The following ABCA9 variants were observed in gnomAD, a reference collection of about 807,000 sequenced individuals.
ABCA9 encodes ATP-binding cassette sub-family A member 9.
ABCA9 carries 183 observed loss-of-function variants against 205.3 expected under a neutral mutation model. That is an observed-to-expected ratio of 0.89 (90% confidence interval 0.79 to 1.01). The LOEUF (loss-of-function observed/expected upper bound fraction) is 1.01. Ranked by LOEUF, ABCA9 falls within the 50% of genes least tolerant of loss-of-function variation. The pLI is 0.00. For synonymous variants in ABCA9, 651 were observed against 683.3 expected (o/e 0.95, Z 0.74); for missense variants, 1,805 against 1,912.4 (o/e 0.94, Z 1.05).
intron 1 of ABCA9, among the ~76,000 whole-genome samples, chr17:69,053,041 G>A (rs1037839400): frequency 1.3e-5 from 2 of 152,164 alleles, no homozygotes; most frequent in Admixed American, 6.6e-5. Context: ...ACCTTGAGAT[G>A]TTCACCAAAC....
chr17:69,045,127 A>G (rs1294135064), intron 4 of ABCA9, 45 bp downstream of exon 4: 2 of 1,554,644 alleles, frequency 1.3e-6, no homozygotes, highest in African/African-American at 2.7e-5. Flanking sequence ...CTTTGTGGCT[A>G]CTGATACAAT....
At chr17:69,065,165 T>A (rs918794481), upstream of ABCA9, among the ~76,000 whole-genome samples, 1 of 152,188 alleles carries the variant, frequency 6.6e-6, no homozygotes, top group Non-Finnish European at 1.5e-5. Flanking sequence ...TTGTCCTACA[T>A]GGCACTTTGT....
In ABCA9 at chr17:69,044,287, C is replaced by A. The variant is rs546934571; in HGVS notation, c.573+210G>T. On this transcript the variant is annotated intron_variant, in intron 5 of 38. Transcript: ENST00000340001. ...ACTATATATCCATGTTTCTATCTCC[C>A]CCTATACCAGTATCCCTGGAGAAAA... 6.6e-5 allele frequency among the ~76,000 whole-genome samples: 10 copies of A among 152,270 alleles called. No individual in the cohort carries two copies. The South Asian group carries it at 2.1e-3, about 32-fold the overall frequency.
At chr17:68,991,264 A>G (rs1309352248) in intron 28 of ABCA9, among the ~76,000 whole-genome samples, 2 of 152,186 alleles carry the variant, frequency 1.3e-5, no homozygotes, top group East Asian at 3.9e-4. Context: ...GCAGAGTTGC[A>G]TGAGGAAAGG....
chr17:68,996,664 A>T lies in ABCA9; in HGVS notation c.3436-650T>A, dbSNP rs116364084. Reference sequence around the variant, plus strand: ...ACACGTCACACCACACATCATTGACACAGGAGGTCATATTATTTATTGTAG... The same window carrying T: ...ACACGTCACACCACACATCATTGACTCAGGAGGTCATATTATTTATTGTAG... On this transcript the variant is annotated intron_variant, in intron 25 of 38. Coordinates refer to ENST00000340001, the MANE Select transcript of ABCA9 (RefSeq NM_080283.4). Among the ~76,000 whole-genome samples, 985 of 152,330 alleles carry T rather than the reference A, an allele frequency of 6.5e-3. 18 individuals carry two copies. Among genetic ancestry groups the T allele is most frequent in the African/African-American group, 0.023 (951 of 41,578 alleles).
chr17:69,050,407 G>C (rs1476570895), intron 2 of ABCA9, among the ~76,000 whole-genome samples: 1 of 151,140 alleles, frequency 6.6e-6, no homozygotes, highest in East Asian at 1.9e-4. Context: ...TATAAGTTTT[G>C]AACTATGAGT....
chr17:68,990,994 G>A (rs375431522), intron 28 of ABCA9, 37 bp from the exon 29 acceptor site: 8 of 1,580,782 alleles, frequency 5.1e-6, no homozygotes, highest in African/African-American at 1.4e-5. Context: ...TAAACTTCGG[G>A]TTAAAAATCT....
Position 68,990,976 on chromosome 17 carries a change from G to A in ABCA9, c.3717-19C>T. ...AGAAATTCTGAAATCAAAACAGTGT[G>A]ATAATGATAAACTTCGGGTTAAAAA... On this transcript the variant is annotated intron_variant, in intron 28 of 38. Transcript: ENST00000340001. The A allele has an allele frequency of 6.3e-7, 1 of 1,589,000 alleles. No homozygotes were observed. The highest frequency in any genetic ancestry group is 8.5e-7 in the Non-Finnish European group (1 of 1,173,516).
At chr17:68,984,666 C>T (rs1310194419) in intron 34 of ABCA9, among the ~76,000 whole-genome samples, 5 of 152,172 alleles carry the variant, frequency 3.3e-5, no homozygotes, top group Admixed American at 1.3e-4. Flanking sequence ...CATGTAGGCA[C>T]AGACACAAAA....
chr17:69,076,197 A>G, the ABCA9 span, among the ~76,000 whole-genome samples: 2 of 152,106 alleles, frequency 1.3e-5, no homozygotes, highest in Admixed American at 6.5e-5. Flanking sequence ...AGTTCCTTCA[A>G]TGCCTATTTT....
intron 1 of ABCA9, among the ~76,000 whole-genome samples, chr17:69,060,047 A>G (rs1379360417): frequency 6.6e-6 from 1 of 152,182 alleles, no homozygotes; most frequent in East Asian, 1.9e-4. Flanking sequence ...TCTGTGAATT[A>G]ATGTGTGTGC....
chr17:69,002,474 G>A lies in ABCA9; in HGVS notation c.3435+5285C>T, dbSNP rs2069921132. Among the ~76,000 whole-genome samples the A allele has an allele frequency of 7.8e-5, 11 of 141,700 alleles. No homozygotes were observed. In the South Asian group the frequency reaches 2.7e-3, roughly 34 times the overall value. The allele number at this position is 141,700 out of a possible 152,430, so 93.0% of individuals were successfully genotyped here. On this transcript the variant is annotated intron_variant, in intron 25 of 38. Coordinates refer to ENST00000340001, the MANE Select transcript of ABCA9 (RefSeq NM_080283.4). The stretch of plus-strand genomic sequence containing the variant: ...TGAGTTCTAGTTTGATTGCACTGTG[G>A]TCTGAGAGATAGTTTGTTATAATTT...
rs917677746 is a variant in ABCA9, at chr17:69,051,024, A to T, written c.96+7T>A. 5.0e-6 allele frequency: 8 copies of T among 1,612,970 alleles called. No individual in the cohort carries two copies. The Admixed American group carries it at 6.7e-5, about 13-fold the overall frequency. On this transcript the variant is annotated splice_region_variant and intron_variant, in intron 2 of 38. Coordinates refer to ENST00000340001, the MANE Select transcript of ABCA9 (RefSeq NM_080283.4). The stretch of plus-strand genomic sequence containing the variant: ...AAATATGAGAACACATAGACTCTGA[A>T]GCATACCAACAAGGTCTGTCTTTTC...
At chr17:69,054,168 C>T (rs2071995039) in intron 1 of ABCA9, among the ~76,000 whole-genome samples, 1 of 152,032 alleles carries the variant, frequency 6.6e-6, no homozygotes, top group African/African-American at 2.4e-5. Context: ...TGCCAGTAGA[C>T]CTGCCTTGCA....
rs1567955626 is a variant in ABCA9 at position 69,027,635 on chromosome 17, C to T, written c.1791+5G>A. The T allele has an allele frequency of 6.2e-7, 1 of 1,612,706 alleles. No homozygotes were observed. Among genetic ancestry groups the T allele is most frequent in the Non-Finnish European group, 8.5e-7 (1 of 1,179,632 alleles). ...GGCTATGTGACATCTAATATGCTCA[C>T]ATACCTCTTTCTCCACTTCATGTGG... is the stretch of plus-strand genomic sequence containing the variant. On this transcript the variant is annotated splice_donor_5th_base_variant and intron_variant, in intron 13 of 38. Transcript: ENST00000340001.
chr17:69,033,960 G>T, intron 8 of ABCA9, 87 bp from the exon 9 acceptor site: 1 of 1,118,816 alleles, frequency 8.9e-7, no homozygotes, highest in Non-Finnish European at 1.3e-6. Flanking sequence ...AACTGGGTTT[G>T]CAAAGATAAA....
In ABCA9 at chr17:68,990,831, T is replaced by C; in HGVS notation, c.3837+6A>G. On this transcript the variant is annotated splice_donor_region_variant and intron_variant, in intron 29 of 38. Coordinates refer to ENST00000340001, the MANE Select transcript of ABCA9 (RefSeq NM_080283.4). ...ATAGTTGACGAAGAACATTTCTGAG[T>C]TCTACCTCATCAAAGTCTCGCACAG... The C allele has an allele frequency of 6.2e-7, 1 of 1,609,084 alleles. No individual in the cohort carries two copies.
At chr17:69,018,680 ATC>A in intron 19 of ABCA9, 101 bp from the exon 20 acceptor site, 1 of 879,676 alleles carries the variant, frequency 1.1e-6, no homozygotes, top group Non-Finnish European at 1.7e-6. Flanking sequence ...ATAAATTATA[ATC>A]AATAACCAAA....
In ABCA9 at chr17:68,982,882, T is replaced by C. The variant is rs116480585; in HGVS notation, c.4641-241A>G. ...TTAGCCAGGAATGGTGGTGTGTGCC[T>C]GTATTCCCAGCTACCATGGAGGCTG... On this transcript the variant is annotated intron_variant, in intron 36 of 38. Transcript: ENST00000340001. Among the ~76,000 whole-genome samples the C allele has an allele frequency of 8.1e-3, 1,240 of 152,258 alleles. 15 individuals carry two copies. The highest frequency in any genetic ancestry group is 0.028 in the African/African-American group (1,182 of 41,532).
Sources: gnomAD v4.1 joint callset for allele counts (sites outside exome capture counted in the v4.1 genomes callset) on GRCh38, gnomAD v4.1.1 for gene constraint, MANE v1.5 for transcripts, NCBI Gene and HGNC (gene_info 2026-07-23, HGNC 2026-07-21) for gene names.